HAUS6: variants seen among roughly 807,000 people sequenced by gnomAD.
HAUS6 encodes the protein HAUS augmin-like complex subunit 6.
A neutral mutation model predicts 106.8 loss-of-function variants in HAUS6; 80 were observed. That is an observed-to-expected ratio of 0.75 (90% CI 0.63 to 0.90). The LOEUF is 0.90. HAUS6 is among the 40% of genes least tolerant of loss of function. The pLI is 0.00. For synonymous variants in HAUS6, 356 were observed against 379.1 expected, an observed-to-expected ratio of 0.94 and a Z score of 0.71; for missense variants, 1,155 against 1,118.1, an observed-to-expected ratio of 1.03 and a Z score of -0.47.
intron 2 of HAUS6, among the ~76,000 whole-genome samples, chr9:19,095,408 A>G (rs1588628195): frequency 6.6e-6 from 1 of 152,186 alleles, no homozygotes; most frequent in East Asian, 1.9e-4. Flanking sequence ...TAGAATGTCA[A>G]CAGTGATACT....
At chr9:19,081,307 A>G (rs1837143994) in intron 8 of HAUS6, among the ~76,000 whole-genome samples, 1 of 152,212 alleles carries the variant, frequency 6.6e-6, no homozygotes, top group African/African-American at 2.4e-5. Context: ...TGAAAAGACC[A>G]TAAATTCATT....
At chr9:19,072,686 T>C (rs1201246551) in intron 11 of HAUS6, among the ~76,000 whole-genome samples, 2 of 152,106 alleles carry the variant, frequency 1.3e-5, no homozygotes, top group Admixed American at 6.6e-5. Flanking sequence ...TGAAGACATT[T>C]TCAAAGAAAG....
intron 4 of HAUS6, among the ~76,000 whole-genome samples, chr9:19,092,291 T>TAA (rs34337710): frequency 3.3e-4 from 48 of 146,396 alleles, no homozygotes; most frequent in Admixed American, 4.1e-4. Context: ...ACCCTGGTAT[T>TAA]AAAAAAAAAA....
chr9:19,078,737 G>A (rs981036901), intron 9 of HAUS6, among the ~76,000 whole-genome samples: 1 of 151,388 alleles, frequency 6.6e-6, no homozygotes, highest in South Asian at 2.1e-4. Flanking sequence ...GCAGTGAGCC[G>A]AGATCGTGCC....
chr9:19,085,946 T>C (rs1837283223), intron 7 of HAUS6, among the ~76,000 whole-genome samples: 1 of 151,972 alleles, frequency 6.6e-6, no homozygotes, highest in African/African-American at 2.4e-5. Context: ...TCAAGTGTTT[T>C]AGAGGCACTC....
chr9:19,101,453 T>C (rs1438108211), intron 1 of HAUS6, among the ~76,000 whole-genome samples: 1 of 152,026 alleles, frequency 6.6e-6, no homozygotes, highest in Non-Finnish European at 1.5e-5. Flanking sequence ...ATCGCACAAC[T>C]GCACTCCAGA....
chr9:19,082,272 T>C (rs971153476), intron 8 of HAUS6, among the ~76,000 whole-genome samples: 7 of 152,194 alleles, frequency 4.6e-5, no homozygotes, highest in Non-Finnish European at 7.3e-5. Flanking sequence ...GAGATCACTG[T>C]TGTTGCCTTT....
intron 11 of HAUS6, among the ~76,000 whole-genome samples, chr9:19,071,251 A>G (rs1836876389): frequency 6.6e-6 from 1 of 152,192 alleles, no homozygotes; most frequent in Admixed American, 6.5e-5. Context: ...CTAAAAGATA[A>G]ATCAGTGAGT....
chr9:19,096,921 A>G (rs1469260307), intron 1 of HAUS6, 152 bp from the exon 2 acceptor site: 2 of 465,224 alleles, frequency 4.3e-6, no homozygotes, highest in Non-Finnish European at 7.7e-6. Context: ...TGTGTATTTT[A>G]TAACCAGTAA....
At chr9:19,073,634 T>C (rs1045202579) in intron 11 of HAUS6, among the ~76,000 whole-genome samples, 1 of 142,874 alleles carries the variant, frequency 7.0e-6, no homozygotes, top group Non-Finnish European at 1.5e-5. Flanking sequence ...TGTTGACTAG[T>C]GGATCTCCAA....
chr9:19,071,308 C>CAA (rs1836877420), intron 11 of HAUS6, among the ~76,000 whole-genome samples: 1 of 151,662 alleles, frequency 6.6e-6, no homozygotes, highest in African/African-American at 2.4e-5. Context: ...CCATGAGATA[C>CAA]AAAAAAGTTG....
intron 7 of HAUS6, among the ~76,000 whole-genome samples, chr9:19,085,136 C>T (rs536730242): frequency 7.8e-4 from 118 of 152,194 alleles, no homozygotes; most frequent in Admixed American, 6.4e-3. Context: ...CAAAGGAAGA[C>T]TCATTGGCTA....
intron 5 of HAUS6, among the ~76,000 whole-genome samples, chr9:19,089,200 G>A (rs767349212): frequency 2.0e-5 from 3 of 151,878 alleles, no homozygotes; most frequent in African/African-American, 7.3e-5. Context: ...CCGACATCGC[G>A]CCACTGCATT....
At chr9:19,088,131 C>A (rs906595808) in intron 5 of HAUS6, among the ~76,000 whole-genome samples, 1 of 152,138 alleles carries the variant, frequency 6.6e-6, no homozygotes, top group Admixed American at 6.5e-5. Flanking sequence ...AAGTAATACA[C>A]TGGTAGGGTA....
At chr9:19,068,517 C>T (rs1160466161) in intron 12 of HAUS6, among the ~76,000 whole-genome samples, 1 of 152,126 alleles carries the variant, frequency 6.6e-6, no homozygotes, top group Non-Finnish European at 1.5e-5. Flanking sequence ...TTACCAATAA[C>T]TCAATTTTAC....
chr9:19,057,309 C>T (rs918554335), intron 16 of HAUS6: 10 of 152,140 alleles, frequency 6.6e-5, no homozygotes, highest in African/African-American at 2.2e-4. Flanking sequence ...GGGAAGAATA[C>T]CATGTGACAA....
intron 11 of HAUS6, among the ~76,000 whole-genome samples, chr9:19,076,233 G>A (rs1461596710): frequency 1.3e-5 from 2 of 151,582 alleles, no homozygotes; most frequent in Non-Finnish European, 2.9e-5. Flanking sequence ...CGGGTGTGGT[G>A]TCCCAGCCAC....
chr9:19,081,279 C>G (rs957980565), intron 8 of HAUS6, among the ~76,000 whole-genome samples: 3 of 151,956 alleles, frequency 2.0e-5, no homozygotes, highest in Non-Finnish European at 2.9e-5. Context: ...AAAGATTGAG[C>G]AGAAACAGCA....
Position 19,063,578 on chromosome 9 carries a change from G to C in HAUS6, c.1379C>G (p.Pro460Arg), listed in dbSNP as rs751816024. 6.2e-7 allele frequency: 1 copy of C among 1,601,152 alleles called. No individual in the cohort carries two copies. The highest frequency in any genetic ancestry group is 1.1e-5 in the South Asian group (1 of 90,862). Reference sequence around the variant, plus strand: ...AACTGACTGCGACAAGAAAGAGGCAGGGCTAAAAGGAAAAAAGACAACAAA... The same window carrying C: ...AACTGACTGCGACAAGAAAGAGGCACGGCTAAAAGGAAAAAAGACAACAAA... ...LGALHDLANS[P>R]ASFLSQSVSS... is the part of the protein sequence containing the mutation. Residue 460 changes from proline (P) to arginine (R), a missense_variant and splice_region_variant, in exon 13 of 17, where the codon CCT (proline) becomes CGT (arginine). Around this residue, in one of 3 missense-constraint regions of HAUS6, gnomAD observed 761 missense variants for 690.0 expected, o/e 1.10. Transcript: ENST00000380502.
Sources: gnomAD v4.1 joint callset for allele counts (sites outside exome capture counted in the v4.1 genomes callset) on GRCh38, gnomAD v4.1.1 for gene constraint, gnomAD v4.1.1 regional missense constraint, MANE v1.5 for transcripts, NCBI Gene and HGNC (gene_info 2026-07-23, HGNC 2026-07-21) for gene names.